The following CACNA1A variants were observed in gnomAD, a reference collection of about 807,000 sequenced individuals.
The protein encoded by CACNA1A is calcium voltage-gated channel subunit alpha1 A.
Under a neutral mutation model 262.4 loss-of-function variants are expected in CACNA1A, and 57 were observed. The ratio of observed to expected loss-of-function variants is 0.22; its 90% CI spans 0.18 to 0.27. The LOEUF (loss-of-function observed/expected upper bound fraction) is 0.27, where lower values mean the gene tolerates loss of function less well. CACNA1A is among the 10% of genes least tolerant of loss of function. CACNA1A has a pLI of 1.00. For missense variants in CACNA1A, 2,526 were observed against 3,562.8 expected (o/e 0.71, Z 7.41); for synonymous variants, 1,431 against 1,419.3 (o/e 1.01, Z -0.18).
chr19:13,286,595 G>C lies in CACNA1A; in HGVS notation c.3461C>G (p.Thr1154Ser). The C allele has an allele frequency of 4.5e-6, 7 of 1,546,554 alleles. No homozygotes were observed. The highest frequency in any genetic ancestry group is 6.1e-6 in the Non-Finnish European group (7 of 1,149,510). The change falls in exon 20 of 47, where the codon ACC (threonine) becomes AGC (serine). Residue 1154 changes from threonine to serine, a missense_variant. Thr to Ser is a moderately conservative substitution (Grantham distance 58). Transcript: ENST00000360228. ...LIVTNPSGTQ[T>S]NSAKTARKPD... ...TTTCCTGGCAGTCTTAGCTGAATTG[G>C]TCTGGGTGCCGCTGGGGTTGGTGAC...
chr19:13,499,501 C>T (rs1411402947), intron 1 of CACNA1A, among the ~76,000 whole-genome samples: 3 of 150,536 alleles, frequency 2.0e-5, no homozygotes, highest in Non-Finnish European at 2.9e-5. Flanking sequence ...CTTTTCTGGC[C>T]GGTTTCCAAA....
chr19:13,260,331 TA>T (rs67356346), intron 26 of CACNA1A: 45,981 of 111,088 alleles, frequency 0.41, 7,405 homozygotes, highest in Non-Finnish European at 0.45. Flanking sequence ...TATATATATA[TA>T]TTTTTGTTGT....
At chr19:13,383,625 T>C (rs2059557592) in intron 3 of CACNA1A, among the ~76,000 whole-genome samples, 1 of 152,144 alleles carries the variant, frequency 6.6e-6, no homozygotes, top group Non-Finnish European at 1.5e-5. Flanking sequence ...TTCTGCTTTA[T>C]TGAGAATTAC....
intron 3 of CACNA1A, among the ~76,000 whole-genome samples, chr19:13,382,024 C>A (rs1157537851): frequency 6.6e-6 from 1 of 152,106 alleles, no homozygotes; most frequent in East Asian, 1.9e-4. Context: ...GAGGAGGCAA[C>A]TGCATTGACG....
intron 3 of CACNA1A, among the ~76,000 whole-genome samples, chr19:13,379,144 C>T (rs912778153): frequency 6.6e-6 from 1 of 151,944 alleles, no homozygotes; most frequent in South Asian, 2.1e-4. Flanking sequence ...CCATACCCAG[C>T]TATTTTTAAA....
intron 1 of CACNA1A, among the ~76,000 whole-genome samples, chr19:13,465,774 C>G (rs1283426184): frequency 2.6e-5 from 4 of 152,174 alleles, no homozygotes; most frequent in African/African-American, 9.7e-5. Flanking sequence ...CAGGTGTAAG[C>G]CACTGTGTCC....
intron 1 of CACNA1A, among the ~76,000 whole-genome samples, chr19:13,461,516 T>A (rs952858998): frequency 2.0e-5 from 3 of 152,242 alleles, no homozygotes; most frequent in African/African-American, 7.2e-5. Context: ...AATGATGTAC[T>A]TGGTGCCCAG....
At chr19:13,209,856 A>T (rs2054739580) in intron 44 of CACNA1A, among the ~76,000 whole-genome samples, 1 of 152,078 alleles carries the variant, frequency 6.6e-6, no homozygotes, top group Non-Finnish European at 1.5e-5. Flanking sequence ...CCCTCTCCAC[A>T]TCCAGGGTGC....
chr19:13,485,723 G>A (rs1427652201), intron 1 of CACNA1A, among the ~76,000 whole-genome samples: 1 of 152,186 alleles, frequency 6.6e-6, no homozygotes, highest in African/African-American at 2.4e-5. Context: ...ACCAAGTGTT[G>A]GCAAGGTTGT....
At chr19:13,370,372 T>A (rs2059300645) in intron 4 of CACNA1A, among the ~76,000 whole-genome samples, 1 of 152,140 alleles carries the variant, frequency 6.6e-6, no homozygotes, top group Admixed American at 6.6e-5. Context: ...CCCAAAGTGC[T>A]AGGATTATAG....
chr19:13,319,959 G>C (rs965365711), intron 10 of CACNA1A, among the ~76,000 whole-genome samples: 2 of 152,152 alleles, frequency 1.3e-5, no homozygotes, highest in African/African-American at 4.8e-5. Flanking sequence ...GGGGCATATG[G>C]TCATGGGGCA....
At chr19:13,226,246 G>A (rs964894250) in intron 37 of CACNA1A, 2 of 64,684 alleles carry the variant, frequency 3.1e-5, no homozygotes, top group Non-Finnish European at 6.7e-5. Context: ...AGCGACTTGA[G>A]GAAAACCGGG....
At chr19:13,246,528 T>C (rs1330181447) in intron 30 of CACNA1A, among the ~76,000 whole-genome samples, 3 of 152,152 alleles carry the variant, frequency 2.0e-5, no homozygotes, top group African/African-American at 7.2e-5. Context: ...CACTGAGATG[T>C]GGGGGCTGTT....
chr19:13,413,571 TAAA>T (rs58314938), intron 3 of CACNA1A, among the ~76,000 whole-genome samples: 2,297 of 71,874 alleles, frequency 0.032, 91 homozygotes, highest in African/African-American at 0.12. Flanking sequence ...GGTCCTGTCT[TAAA>T]AAAAAAAAAA....
chr19:13,493,593 C>T (rs1224521772), intron 1 of CACNA1A, among the ~76,000 whole-genome samples: 3 of 152,238 alleles, frequency 2.0e-5, no homozygotes, highest in African/African-American at 7.2e-5. Flanking sequence ...CATCAACATC[C>T]TGAATATACC....
At chr19:13,440,016 G>T (rs2060687538) in intron 3 of CACNA1A, among the ~76,000 whole-genome samples, 1 of 152,148 alleles carries the variant, frequency 6.6e-6, no homozygotes. Flanking sequence ...CTGGAGTGTA[G>T]TGGCACTATC....
Position 13,207,277 on chromosome 19 carries a change from G to A in CACNA1A, c.*36C>T. ...CTCGGGTGGGGTGTGTGCGTGGGGTGCGTGGGGGGCCGGGCGGGCGCCACC... is the reference window on the plus strand; with the variant it reads ...CTCGGGTGGGGTGTGTGCGTGGGGTACGTGGGGGGCCGGGCGGGCGCCACC... On this transcript the variant is annotated 3_prime_UTR_variant, in exon 47 of 47. Coordinates refer to ENST00000360228, the MANE Select transcript of CACNA1A (RefSeq NM_001127222.2). The surrounding 1 kb of genome is among the most constrained non-coding windows in gnomAD (Gnocchi z 5.7). 6.6e-7 allele frequency: 1 copy of A among 1,518,646 alleles called. No individual in the cohort carries two copies. Among genetic ancestry groups the A allele is most frequent in the South Asian group, 1.2e-5 (1 of 84,012 alleles). The allele number at this position is 1,518,646 out of a possible 1,614,324, so 94.1% of individuals were successfully genotyped here.
At chr19:13,357,607 C>T (rs542103853) in intron 6 of CACNA1A, among the ~76,000 whole-genome samples, 43 of 152,288 alleles carry the variant, frequency 2.8e-4, no homozygotes, top group African/African-American at 9.9e-4. Flanking sequence ...GACAAGTGAC[C>T]TGCCTGGGGA....
intron 3 of CACNA1A, among the ~76,000 whole-genome samples, chr19:13,424,724 C>T (rs1226181876): frequency 6.6e-6 from 1 of 152,096 alleles, no homozygotes; most frequent in Non-Finnish European, 1.5e-5. Flanking sequence ...ATCCCTCCAC[C>T]TTAGCCTCTC....
Sources: allele counts gnomAD v4.1 joint callset (sites outside exome capture counted in the v4.1 genomes callset), GRCh38; gene constraint gnomAD v4.1.1; non-coding constraint Gnocchi (gnomAD v3.1); transcripts MANE v1.5; gene names NCBI Gene and HGNC (gene_info 2026-07-23, HGNC 2026-07-21).